Variants in TNRC6A observed in about 807,000 individuals in gnomAD.
TNRC6A encodes trinucleotide repeat-containing gene 6A protein.
In TNRC6A, 44 loss-of-function variants were observed where a neutral mutation model predicts 221.2. The observed-to-expected ratio is 0.20, with a 90% CI of 0.16 to 0.26. TNRC6A has a LOEUF of 0.26. Among genes scored for constraint, TNRC6A ranks in the 10% least tolerant of loss-of-function variants. The pLI is 1.00. For missense variants in TNRC6A, 2,199 were observed against 2,404.4 expected, an observed-to-expected ratio of 0.91 and a Z score of 1.79; for synonymous variants, 847 against 838.5, an observed-to-expected ratio of 1.01 and a Z score of -0.18.
At chr16:24,688,875 G>A (rs1398460448) in intron 2 of TNRC6A, among the ~76,000 whole-genome samples, 2 of 152,174 alleles carry the variant, frequency 1.3e-5, no homozygotes, top group Non-Finnish European at 2.9e-5. Flanking sequence ...TTCCACATTG[G>A]TTAAACCAGT....
chr16:24,744,094 C>A (rs1168505885), intron 2 of TNRC6A, among the ~76,000 whole-genome samples: 1 of 152,164 alleles, frequency 6.6e-6, no homozygotes, highest in Non-Finnish European at 1.5e-5. Context: ...AGGCTAGTTA[C>A]TTTGTAGAAT....
intron 5 of TNRC6A, among the ~76,000 whole-genome samples, chr16:24,784,529 G>T (rs1407414798): frequency 6.6e-6 from 1 of 152,084 alleles, no homozygotes; most frequent in African/African-American, 2.4e-5. Flanking sequence ...TTGCAGGGTT[G>T]CCCAGGATAG....
At chr16:24,810,565 C>A (rs1476574774) in intron 18 of TNRC6A, among the ~76,000 whole-genome samples, 2 of 152,054 alleles carry the variant, frequency 1.3e-5, no homozygotes, top group African/African-American at 2.4e-5. Flanking sequence ...AAAAGACTTA[C>A]CTTGAGAAGA....
intron 2 of TNRC6A, among the ~76,000 whole-genome samples, chr16:24,688,378 G>A (rs1327032512): frequency 2.0e-5 from 3 of 152,114 alleles, no homozygotes; most frequent in Non-Finnish European, 4.4e-5. Context: ...TGAATGAGAT[G>A]GTGTCCTCTC....
At chr16:24,678,411 TC>T (rs1407305205) in intron 2 of TNRC6A, among the ~76,000 whole-genome samples, 1 of 152,104 alleles carries the variant, frequency 6.6e-6, no homozygotes, top group Non-Finnish European at 1.5e-5. Context: ...TGCTTCCTTG[TC>T]CCTCTCTGAG....
At chr16:24,706,179 A>G (rs1567373598) in intron 2 of TNRC6A, among the ~76,000 whole-genome samples, 1 of 152,230 alleles carries the variant, frequency 6.6e-6, no homozygotes, top group Non-Finnish European at 1.5e-5. Context: ...TTCATCAATT[A>G]GAAGATTTCA....
chr16:24,785,461 A>G (rs2057945821), intron 5 of TNRC6A, among the ~76,000 whole-genome samples: 1 of 152,184 alleles, frequency 6.6e-6, no homozygotes, highest in Non-Finnish European at 1.5e-5. Context: ...CTGTTACTTT[A>G]TGGCTGTTAA....
intron 2 of TNRC6A, among the ~76,000 whole-genome samples, chr16:24,648,259 C>T (rs1902397699): frequency 1.5e-5 from 2 of 136,938 alleles, no homozygotes; most frequent in South Asian, 5.0e-4. Flanking sequence ...GCAATTGTAC[C>T]ACTTTCCACA....
At chr16:24,634,323 G>C (rs1179300317) in intron 1 of TNRC6A, among the ~76,000 whole-genome samples, 1 of 151,998 alleles carries the variant, frequency 6.6e-6, no homozygotes, top group Non-Finnish European at 1.5e-5. Context: ...CCAGCTACTT[G>C]GGAGGCTGAG....
intron 1 of TNRC6A, among the ~76,000 whole-genome samples, chr16:24,627,433 C>G (rs574849985): frequency 6.6e-5 from 10 of 152,110 alleles, no homozygotes; most frequent in Non-Finnish European, 1.3e-4. Context: ...AGAAGGGCGG[C>G]TTCTGACCCA....
chr16:24,809,337 T>G lies in TNRC6A; in HGVS notation c.4541-13T>G. On this transcript the variant is annotated splice_polypyrimidine_tract_variant and intron_variant, in intron 17 of 24. Transcript: ENST00000395799. ...TATTTTCTAAGGTTTTGTTTTGTTT[T>G]TTAATTTTTCAGGCTTGAACTCAAA... is the stretch of plus-strand genomic sequence containing the variant. 3 of 1,495,424 alleles carry G rather than the reference T, an allele frequency of 2.0e-6. No homozygotes were observed. Among genetic ancestry groups the G allele is most frequent in the Non-Finnish European group, 1.8e-6 (2 of 1,112,448 alleles). The allele number at this position is 1,495,424 out of a possible 1,614,324, so 92.6% of individuals were successfully genotyped here.
At chr16:24,801,749 A>G (rs1432777554) in intron 11 of TNRC6A, among the ~76,000 whole-genome samples, 1 of 152,148 alleles carries the variant, frequency 6.6e-6, no homozygotes, top group Non-Finnish European at 1.5e-5. Flanking sequence ...CGCTGAGATT[A>G]CAAGTGTTAG....
chr16:24,664,909 G>A (rs1419479726), intron 2 of TNRC6A: 8 of 455,728 alleles, frequency 1.8e-5, no homozygotes, highest in Admixed American at 4.7e-5. Flanking sequence ...GGTGGAGAAC[G>A]GAAGTGACGA....
upstream of TNRC6A, among the ~76,000 whole-genome samples, chr16:24,727,446 C>T (rs1426726532): frequency 2.6e-5 from 4 of 152,168 alleles, no homozygotes; most frequent in African/African-American, 9.7e-5. Flanking sequence ...CTGTCCTACG[C>T]ATCGTAGAAT....
intron 8 of TNRC6A, among the ~76,000 whole-genome samples, chr16:24,795,039 TC>T (rs2058190256): frequency 6.6e-6 from 1 of 152,136 alleles, no homozygotes; most frequent in South Asian, 2.1e-4. Flanking sequence ...GTTGACTCTT[TC>T]CATCCCACTG....
At chr16:24,681,624 C>T (rs998474067) in intron 2 of TNRC6A, among the ~76,000 whole-genome samples, 3 of 152,144 alleles carry the variant, frequency 2.0e-5, no homozygotes, top group Non-Finnish European at 4.4e-5. Flanking sequence ...GCATGTCATT[C>T]CATTGTATAC....
intron 2 of TNRC6A, among the ~76,000 whole-genome samples, chr16:24,746,770 T>C (rs1043697187): frequency 2.6e-5 from 4 of 152,208 alleles, no homozygotes; most frequent in Non-Finnish European, 5.9e-5. Flanking sequence ...GGGATTAATT[T>C]TAATGATATT....
chr16:24,732,672 T>C (rs1334820980), intron 2 of TNRC6A, among the ~76,000 whole-genome samples: 1 of 152,156 alleles, frequency 6.6e-6, no homozygotes, highest in Non-Finnish European at 1.5e-5. Context: ...TCTAGATCAG[T>C]TTTTTCATCT....
chr16:24,644,012 T>G (rs541159641), intron 2 of TNRC6A, among the ~76,000 whole-genome samples: 17 of 151,926 alleles, frequency 1.1e-4, no homozygotes, highest in African/African-American at 4.1e-4. Context: ...GCAGGAACAC[T>G]GGTGCAAATA....
Sources: gnomAD v4.1 joint callset for allele counts (sites outside exome capture counted in the v4.1 genomes callset) on GRCh38, gnomAD v4.1.1 for gene constraint, MANE v1.5 for transcripts, NCBI Gene and HGNC (gene_info 2026-07-23, HGNC 2026-07-21) for gene names.